PRR16: variants seen among roughly 807,000 people sequenced by gnomAD.
PRR16 encodes proline rich 16.
Under a neutral mutation model 18.2 loss-of-function variants are expected in PRR16, and 6 were observed. That is an observed-to-expected ratio of 0.33 (90% CI 0.18 to 0.65). The LOEUF (loss-of-function observed/expected upper bound fraction) is 0.65, where lower values mean the gene tolerates loss of function less well. Ranked by LOEUF, PRR16 falls within the 30% of genes least tolerant of loss-of-function variation. The pLI is 0.74. For missense variants in PRR16, 412 were observed against 376.6 expected, an observed-to-expected ratio of 1.09 and a Z score of -0.78; for synonymous variants, 151 against 147.8, an observed-to-expected ratio of 1.02 and a Z score of -0.16.
intron 1 of PRR16, among the ~76,000 whole-genome samples, chr5:120,668,649 G>A (rs1319459218): frequency 6.6e-6 from 1 of 152,050 alleles, no homozygotes; most frequent in African/African-American, 2.4e-5. Context: ...GCACAGGCCT[G>A]GTGGTGACAA....
chr5:120,735,768 C>T, the PRR16 span, among the ~76,000 whole-genome samples: 9 of 152,062 alleles, frequency 5.9e-5, no homozygotes, highest in South Asian at 4.2e-4. Context: ...CAAAAATTTC[C>T]TCCTATTCTG....
At chr5:120,545,506 A>G (rs1752048480) in intron 1 of PRR16, among the ~76,000 whole-genome samples, 1 of 152,072 alleles carries the variant, frequency 6.6e-6, no homozygotes, top group African/African-American at 2.4e-5. Flanking sequence ...TTTATTCTTC[A>G]TGTGAATAGG....
At chr5:120,680,961 C>G (rs1387848135) in intron 1 of PRR16, among the ~76,000 whole-genome samples, 1 of 152,026 alleles carries the variant, frequency 6.6e-6, no homozygotes, top group Non-Finnish European at 1.5e-5. Flanking sequence ...TGTTGCTTTG[C>G]TTAAGAAAGA....
the PRR16 span, among the ~76,000 whole-genome samples, chr5:120,750,411 C>A: frequency 6.6e-6 from 1 of 151,898 alleles, no homozygotes; most frequent in Admixed American, 6.6e-5. Flanking sequence ...GTAATCCCAG[C>A]ACTTTGGGAG....
intron 1 of PRR16, among the ~76,000 whole-genome samples, chr5:120,592,909 A>G (rs1412918523): frequency 3.3e-5 from 5 of 152,158 alleles, no homozygotes; most frequent in Non-Finnish European, 7.4e-5. Context: ...TTAACAGATT[A>G]CAAAAACCTA....
chr5:120,752,249 A>G, the PRR16 span, among the ~76,000 whole-genome samples: 2 of 152,082 alleles, frequency 1.3e-5, no homozygotes, highest in African/African-American at 4.8e-5. Context: ...ATTAGACAAG[A>G]GAAGACCCAT....
chr5:120,557,347 T>C (rs1752447455), intron 1 of PRR16, among the ~76,000 whole-genome samples: 1 of 151,932 alleles, frequency 6.6e-6, no homozygotes, highest in African/African-American at 2.4e-5. Flanking sequence ...TTTGTATAGC[T>C]CTAAATCTAA....
chr5:120,754,931 G>C, the PRR16 span, among the ~76,000 whole-genome samples: 2 of 150,960 alleles, frequency 1.3e-5, no homozygotes, highest in African/African-American at 2.4e-5. Context: ...ATTGGGAATA[G>C]AATATCATAG....
intron 1 of PRR16, among the ~76,000 whole-genome samples, chr5:120,644,305 C>G (rs1185575196): frequency 6.6e-6 from 1 of 151,862 alleles, no homozygotes. Flanking sequence ...GAATATTTGT[C>G]CTCTGAAAAG....
At chr5:120,721,587 C>T in the PRR16 span, among the ~76,000 whole-genome samples, 1 of 151,952 alleles carries the variant, frequency 6.6e-6, no homozygotes, top group Non-Finnish European at 1.5e-5. Flanking sequence ...TGAGAAAGAA[C>T]AGGGAGGTCA....
At chr5:120,498,284 G>A (rs913286408) in intron 1 of PRR16, among the ~76,000 whole-genome samples, 12 of 148,848 alleles carry the variant, frequency 8.1e-5, no homozygotes, top group African/African-American at 2.7e-4. Flanking sequence ...TGATATATGT[G>A]TGTGTATATA....
At chr5:120,530,287 ATT>A (rs1180386137) in intron 1 of PRR16, among the ~76,000 whole-genome samples, 97 of 132,328 alleles carry the variant, frequency 7.3e-4, no homozygotes, top group African/African-American at 1.7e-3. Context: ...ATATATATTT[ATT>A]TATTTATTTA....
chr5:120,773,257 A>G, the PRR16 span, among the ~76,000 whole-genome samples: 1 of 152,138 alleles, frequency 6.6e-6, no homozygotes, highest in Non-Finnish European at 1.5e-5. Context: ...AATAAGGTAC[A>G]AGTGTATTTC....
chr5:120,584,815 G>A (rs1215364826), intron 1 of PRR16, among the ~76,000 whole-genome samples: 1 of 152,076 alleles, frequency 6.6e-6, no homozygotes, highest in Non-Finnish European at 1.5e-5. Context: ...ATGTAGAAGG[G>A]CCTCTGGATG....
At chr5:120,475,626 A>T (rs925407620) in intron 1 of PRR16, among the ~76,000 whole-genome samples, 1 of 151,854 alleles carries the variant, frequency 6.6e-6, no homozygotes, top group Non-Finnish European at 1.5e-5. Context: ...AGTCCCAGCC[A>T]CTCTGGAGCC....
chr5:120,766,937 CTGAA>C, the PRR16 span, among the ~76,000 whole-genome samples: 3 of 151,828 alleles, frequency 2.0e-5, no homozygotes, highest in Non-Finnish European at 2.9e-5. Flanking sequence ...TCAGTGGTGA[CTGAA>C]TGAAGACAAA....
the PRR16 span, among the ~76,000 whole-genome samples, chr5:120,737,304 T>A: frequency 8.4e-6 from 1 of 118,714 alleles, no homozygotes; most frequent in Non-Finnish European, 1.7e-5. Context: ...CCTAGTTTGT[T>A]GAGTTTTTTT....
intron 1 of PRR16, among the ~76,000 whole-genome samples, chr5:120,589,345 C>G (rs961952340): frequency 6.6e-6 from 1 of 152,080 alleles, no homozygotes; most frequent in Non-Finnish European, 1.5e-5. Context: ...TATCTGCTTT[C>G]CAGTTGCCAG....
intron 1 of PRR16, among the ~76,000 whole-genome samples, chr5:120,636,320 A>G (rs1043533021): frequency 1.3e-5 from 2 of 152,164 alleles, no homozygotes; most frequent in Admixed American, 6.6e-5. Flanking sequence ...ACATAGCCAA[A>G]GCAAGACTAA....
Sources: gnomAD v4.1 joint callset for allele counts (sites outside exome capture counted in the v4.1 genomes callset) on GRCh38, gnomAD v4.1.1 for gene constraint, MANE v1.5 for transcripts, NCBI Gene and HGNC (gene_info 2026-07-23, HGNC 2026-07-21) for gene names.